Variants in ACVR1C observed in about 807,000 individuals in gnomAD.
ACVR1C encodes activin receptor type-1C.
In ACVR1C, 23 loss-of-function variants were observed where a neutral mutation model predicts 57.9. The ratio of observed to expected loss-of-function variants is 0.40; its 90% CI spans 0.29 to 0.56. The LOEUF is 0.56. ACVR1C is among the 20% of genes least tolerant of loss of function. The pLI, the probability that ACVR1C is intolerant of heterozygous loss-of-function variation, is 0.50. For missense variants in ACVR1C, 480 were observed against 607.9 expected (o/e 0.79, Z 2.21); for synonymous variants, 214 against 215.3 (o/e 0.99, Z 0.05).
At chr2:157,573,253 C>T (rs1178517786) in intron 2 of ACVR1C, among the ~76,000 whole-genome samples, 1 of 152,150 alleles carries the variant, frequency 6.6e-6, no homozygotes, top group Admixed American at 6.5e-5. Flanking sequence ...GTATTATACA[C>T]CTACCACAAT....
At chr2:157,556,442 G>A in intron 2 of ACVR1C, 110 bp from the exon 3 acceptor site, 1 of 1,394,024 alleles carries the variant, frequency 7.2e-7, no homozygotes, top group Non-Finnish European at 9.8e-7. Context: ...CAGCTACACA[G>A]TATGCACTTA....
At chr2:157,535,136 C>A in intron 8 of ACVR1C, among the ~76,000 whole-genome samples, 1 of 88,572 alleles carries the variant, frequency 1.1e-5, no homozygotes, top group Non-Finnish European at 2.1e-5. Context: ...CAGTGCAAGA[C>A]TCTGTCCAAA....
intron 3 of ACVR1C, among the ~76,000 whole-genome samples, chr2:157,552,325 G>T (rs1475911927): frequency 6.6e-6 from 1 of 152,138 alleles, no homozygotes; most frequent in Non-Finnish European, 1.5e-5. Context: ...TAGAGAAGAG[G>T]TTTCACCATG....
At chr2:157,559,937 A>G (rs2105228644) in intron 2 of ACVR1C, among the ~76,000 whole-genome samples, 1 of 151,038 alleles carries the variant, frequency 6.6e-6, no homozygotes, top group South Asian at 2.1e-4. Context: ...AAAAGGAAAG[A>G]GAGAGAGAAG....
intron 2 of ACVR1C, among the ~76,000 whole-genome samples, chr2:157,577,460 A>T (rs1688691380): frequency 6.6e-6 from 1 of 152,098 alleles, no homozygotes; most frequent in South Asian, 2.1e-4. Flanking sequence ...ACAAATTTAG[A>T]TTTCTTTAAA....
chr2:157,628,734 G>A lies in ACVR1C; in HGVS notation c.-90C>T. 8.5e-7 allele frequency: 1 copy of A among 1,178,002 alleles called. No individual in the cohort carries two copies. The highest frequency in any genetic ancestry group is 1.7e-5 in the South Asian group (1 of 60,160). 73.0% of individuals were successfully genotyped at this position (1,178,002 alleles called of 1,614,324 possible). A position where few individuals can be genotyped will look rare whatever the true frequency, so the allele number is the denominator to read the frequency against. On this transcript the variant is annotated 5_prime_UTR_variant, in exon 1 of 9. Coordinates refer to ENST00000243349, the MANE Select transcript of ACVR1C (RefSeq NM_145259.3). The stretch of plus-strand genomic sequence containing the variant: ...CGGCCCGCTTTGAAGTTCCCGGGCC[G>A]CGGGAGGGGAGCGCGGCACCGACAC...
rs1173215604 is a variant in ACVR1C at position 157,528,443 on chromosome 2, C to A, written c.*5475G>T. ...CAGTCACATCTGAAAATATTAAAAT[C>A]TAGGATGAAATACAGCTCATATTCT... On this transcript the variant is annotated 3_prime_UTR_variant, in exon 9 of 9. Coordinates refer to ENST00000243349, the MANE Select transcript of ACVR1C (RefSeq NM_145259.3). 1.3e-5 allele frequency: 2 copies of A among 152,068 alleles called. No homozygotes were observed. Among genetic ancestry groups the A allele is most frequent in the African/African-American group, 4.8e-5 (2 of 41,414 alleles). The allele number at this position is 152,068 out of a possible 1,614,324, so 9.4% of individuals were successfully genotyped here. A position where few individuals can be genotyped will look rare whatever the true frequency, so the allele number is the denominator to read the frequency against.
At chr2:157,597,795 T>C (rs973862264) in intron 1 of ACVR1C, among the ~76,000 whole-genome samples, 1 of 152,240 alleles carries the variant, frequency 6.6e-6, no homozygotes. Flanking sequence ...AATGCAGTGA[T>C]GATTTGATGA....
intron 1 of ACVR1C, chr2:157,597,523 C>T: frequency 1.0e-6 from 1 of 985,454 alleles, no homozygotes; most frequent in Non-Finnish European, 1.2e-6. Flanking sequence ...GACGACAGCT[C>T]CCGCGGGGCT....
intron 7 of ACVR1C, among the ~76,000 whole-genome samples, chr2:157,540,167 A>G (rs545669488): frequency 6.6e-6 from 1 of 152,210 alleles, no homozygotes; most frequent in South Asian, 2.1e-4. Flanking sequence ...GAAAATTACA[A>G]CTAAGTAACT....
chr2:157,550,833 C>G (rs1687897087), intron 3 of ACVR1C, among the ~76,000 whole-genome samples: 1 of 151,092 alleles, frequency 6.6e-6, no homozygotes, highest in African/African-American at 2.4e-5. Context: ...TTTCAAAAAC[C>G]AAGCTCAAAT....
chr2:157,627,604 A>G lies in ACVR1C; in HGVS notation c.73+968T>C, dbSNP rs1035878306. On this transcript the variant is annotated intron_variant, in intron 1 of 8. Coordinates refer to ENST00000243349, the MANE Select transcript of ACVR1C (RefSeq NM_145259.3). ...CCATGAATATAGCTATTAATGTCAA[A>G]CAGATTGTCATCTGGGAAAACAAAA... Among the ~76,000 whole-genome samples, 5 of 152,318 alleles carry G rather than the reference A, an allele frequency of 3.3e-5. No homozygotes were observed. In the East Asian group the frequency reaches 9.6e-4, roughly 29 times the overall value.
chr2:157,562,519 T>TAAAAA, intron 2 of ACVR1C, among the ~76,000 whole-genome samples: 1 of 111,838 alleles, frequency 8.9e-6, no homozygotes, highest in East Asian at 2.7e-4. Context: ...TAAAATAAAA[T>TAAAAA]AAAAAAGCCC....
intron 1 of ACVR1C, among the ~76,000 whole-genome samples, chr2:157,609,139 A>G (rs556454664): frequency 3.3e-4 from 50 of 151,798 alleles, no homozygotes; most frequent in East Asian, 9.7e-4. Context: ...TGCTTTTGCT[A>G]TATCCCACAG....
chr2:157,554,268 A>AAAGAAAGAAAGAAAGAAAGG (rs1261113225), intron 3 of ACVR1C, among the ~76,000 whole-genome samples: 446 of 113,348 alleles, frequency 3.9e-3, no homozygotes, highest in South Asian at 5.0e-3. Context: ...AGAAAGAAAG[A>AAAGAAAGAAAGAAAGAAAGG]AAGGAAGGAA....
intron 2 of ACVR1C, among the ~76,000 whole-genome samples, chr2:157,566,530 G>A (rs1022960284): frequency 5.9e-5 from 9 of 152,182 alleles, no homozygotes; most frequent in South Asian, 2.1e-4. Context: ...GAAGCAGGGC[G>A]AGGCATTGCC....
intron 2 of ACVR1C, among the ~76,000 whole-genome samples, chr2:157,563,504 A>T (rs894978707): frequency 1.5e-4 from 23 of 152,230 alleles, no homozygotes; most frequent in Non-Finnish European, 2.9e-5. Context: ...ATGCTCATGG[A>T]TAGGAAGAAT....
intron 1 of ACVR1C, among the ~76,000 whole-genome samples, chr2:157,603,405 T>C (rs573207736): frequency 6.6e-6 from 1 of 152,254 alleles, no homozygotes; most frequent in East Asian, 1.9e-4. Context: ...GGGGTACCTC[T>C]AATCTGACTC....
At chr2:157,616,006 T>G (rs772111529) in intron 1 of ACVR1C, among the ~76,000 whole-genome samples, 16 of 152,080 alleles carry the variant, frequency 1.1e-4, no homozygotes, top group African/African-American at 2.2e-4. Context: ...GGAGAGAAAT[T>G]TGTCTGGATT....
Sources: allele counts gnomAD v4.1 joint callset (sites outside exome capture counted in the v4.1 genomes callset), GRCh38; gene constraint gnomAD v4.1.1; transcripts MANE v1.5; gene names NCBI Gene and HGNC (gene_info 2026-07-23, HGNC 2026-07-21).